MMP16: variants seen among roughly 807,000 people sequenced by gnomAD.
The protein encoded by MMP16 is matrix metalloproteinase-16.
MMP16 carries 12 observed loss-of-function variants against 67.8 expected under a neutral mutation model. That is an observed-to-expected ratio of 0.18 (90% CI 0.11 to 0.29). The LOEUF (loss-of-function observed/expected upper bound fraction) is 0.29. MMP16 is among the 10% of genes least tolerant of loss of function. The pLI is 1.00. For synonymous variants in MMP16, 249 were observed against 255.9 expected (o/e 0.97, Z 0.26); for missense variants, 475 against 765.7 (o/e 0.62, Z 4.48).
chr8:88,281,158 T>C (rs961104856), intron 1 of MMP16, among the ~76,000 whole-genome samples: 7 of 152,144 alleles, frequency 4.6e-5, no homozygotes, highest in South Asian at 2.1e-4. Context: ...TCAATACAGA[T>C]AGAATTAAAA....
At chr8:88,155,427 C>T (rs991781831) in intron 4 of MMP16, among the ~76,000 whole-genome samples, 6 of 151,910 alleles carry the variant, frequency 3.9e-5, no homozygotes, top group Admixed American at 3.9e-4. Context: ...TCTTTACTTA[C>T]AGGATATATG....
In MMP16 at chr8:88,037,203, G is replaced by A. The variant is rs2118172276; in HGVS notation, c.*4258C>T. 6.6e-6 allele frequency: 1 copy of A among 150,668 alleles called. No individual in the cohort carries two copies. Among genetic ancestry groups the A allele is most frequent in the South Asian group, 2.1e-4 (1 of 4,722 alleles). The allele number at this position is 150,668 out of a possible 1,614,324, so 9.3% of individuals were successfully genotyped here. A position where few individuals can be genotyped will look rare whatever the true frequency, so the allele number is the denominator to read the frequency against. ...TTTACACACCATCATCTATGTATTGGAACTAGCAGTGAAGTTTGGACAATG... is the reference window on the plus strand; with the variant it reads ...TTTACACACCATCATCTATGTATTGAAACTAGCAGTGAAGTTTGGACAATG... On this transcript the variant is annotated 3_prime_UTR_variant, in exon 10 of 10. Transcript: ENST00000286614.
intron 1 of MMP16, among the ~76,000 whole-genome samples, chr8:88,290,319 G>A (rs1433063966): frequency 4.6e-5 from 7 of 152,094 alleles, no homozygotes; most frequent in East Asian, 1.9e-4. Context: ...TTGGGAGGCC[G>A]AGGCGGGTGG....
intron 1 of MMP16, among the ~76,000 whole-genome samples, chr8:88,272,335 T>A (rs143088610): frequency 1.2e-4 from 18 of 152,294 alleles, no homozygotes; most frequent in Admixed American, 1.2e-3. Flanking sequence ...TTAATTCATG[T>A]CAGAGTAAGA....
At chr8:88,204,545 T>C (rs975634346) in intron 1 of MMP16, among the ~76,000 whole-genome samples, 6 of 152,230 alleles carry the variant, frequency 3.9e-5, no homozygotes, top group Middle Eastern at 6.8e-3. Context: ...AATGTAAATA[T>C]AATTCATAAA....
rs568380892 is a variant in MMP16, at chr8:88,226,032, C to G, written c.133-28726G>C. ...TCACTTTTGAGAAAAATTTCATATA[C>G]ACTAAGAATATTTTCCTACTTAGTT... On this transcript the variant is annotated intron_variant, in intron 1 of 9. Transcript: ENST00000286614. Among the ~76,000 whole-genome samples the G allele has an allele frequency of 3.9e-5, 6 of 151,954 alleles. No individual in the cohort carries two copies. In the South Asian group the frequency reaches 1.2e-3, roughly 31 times the overall value.
chr8:88,287,602 G>A (rs1810852934), intron 1 of MMP16, among the ~76,000 whole-genome samples: 1 of 152,020 alleles, frequency 6.6e-6, no homozygotes, highest in Non-Finnish European at 1.5e-5. Context: ...GAATATAGCA[G>A]GTACCCAATA....
intron 6 of MMP16, among the ~76,000 whole-genome samples, chr8:88,098,299 A>G (rs1031644913): frequency 3.3e-5 from 5 of 152,026 alleles, no homozygotes; most frequent in African/African-American, 1.2e-4. Flanking sequence ...TCTGAGTTTC[A>G]GTGTCCAGAG....
intron 6 of MMP16, among the ~76,000 whole-genome samples, chr8:88,088,032 ATAGATATATAGATATCTAT>A (rs1189483571): frequency 2.2e-5 from 2 of 92,516 alleles, no homozygotes; most frequent in Non-Finnish European, 4.4e-5. Flanking sequence ...TATTATATAT[ATAGATATATAGATATCTAT>A]TATATCTATA....
intron 7 of MMP16, among the ~76,000 whole-genome samples, chr8:88,072,124 A>T (rs1402192731): frequency 6.6e-6 from 1 of 152,164 alleles, no homozygotes; most frequent in South Asian, 2.1e-4. Flanking sequence ...CATGGCCCAT[A>T]GAGCAAAATG....
chr8:88,052,219 A>C (rs1264194328), intron 8 of MMP16, among the ~76,000 whole-genome samples: 1 of 152,148 alleles, frequency 6.6e-6, no homozygotes, highest in Non-Finnish European at 1.5e-5. Context: ...TCAGTCAAGC[A>C]TGGACATTTC....
intron 3 of MMP16, among the ~76,000 whole-genome samples, chr8:88,183,289 G>T (rs942546924): frequency 6.6e-6 from 1 of 152,174 alleles, no homozygotes; most frequent in Non-Finnish European, 1.5e-5. Context: ...GAAACCATTT[G>T]TATTGGTGGA....
chr8:88,252,484 T>A (rs998531881), intron 1 of MMP16, among the ~76,000 whole-genome samples: 1 of 152,040 alleles, frequency 6.6e-6, no homozygotes, highest in Non-Finnish European at 1.5e-5. Flanking sequence ...TGAACTATTT[T>A]TCCCAGCTTA....
intron 1 of MMP16, among the ~76,000 whole-genome samples, chr8:88,283,795 T>A (rs1810780147): frequency 6.6e-6 from 1 of 152,136 alleles, no homozygotes; most frequent in Non-Finnish European, 1.5e-5. Context: ...CATATTCCCA[T>A]AAATGTACTG....
intron 1 of MMP16, among the ~76,000 whole-genome samples, chr8:88,252,652 A>G (rs1810244799): frequency 6.6e-6 from 1 of 151,826 alleles, no homozygotes; most frequent in South Asian, 2.1e-4. Context: ...TTAGCAAAAA[A>G]AAAAAAAAGG....
intron 1 of MMP16, among the ~76,000 whole-genome samples, chr8:88,245,349 C>G (rs16880210): frequency 0.043 from 6,588 of 152,188 alleles, 466 homozygotes; most frequent in African/African-American, 0.15. Flanking sequence ...TTAGCCATTC[C>G]TAAAACATCA....
At chr8:88,183,260 C>A (rs1280447742) in intron 3 of MMP16, among the ~76,000 whole-genome samples, 1 of 152,004 alleles carries the variant, frequency 6.6e-6, no homozygotes, top group African/African-American at 2.4e-5. Flanking sequence ...TATGCTAATG[C>A]AAGATGTTAA....
chr8:88,306,098 G>C (rs957894951), intron 1 of MMP16, among the ~76,000 whole-genome samples: 1 of 151,622 alleles, frequency 6.6e-6, no homozygotes, highest in African/African-American at 2.4e-5. Flanking sequence ...GAAATGATAA[G>C]GGGGATGTCA....
chr8:88,148,035 A>T (rs549155933), intron 4 of MMP16, among the ~76,000 whole-genome samples: 1 of 152,322 alleles, frequency 6.6e-6, no homozygotes, highest in East Asian at 1.9e-4. Context: ...TGCAAATTGC[A>T]GATTTACTAT....
Sources: allele counts gnomAD v4.1 joint callset (sites outside exome capture counted in the v4.1 genomes callset), GRCh38; gene constraint gnomAD v4.1.1; transcripts MANE v1.5; gene names NCBI Gene and HGNC (gene_info 2026-07-23, HGNC 2026-07-21).